The following YTHDF3 variants were observed in gnomAD, a reference collection of about 807,000 sequenced individuals.
YTHDF3 encodes YTH N6-methyladenosine RNA binding protein F3, also known as YTH domain-containing family protein 3.
In YTHDF3, 9 loss-of-function variants were observed where a neutral mutation model predicts 52.5. The observed-to-expected ratio is 0.17, with a 90% CI of 0.10 to 0.30. The LOEUF is 0.30. Ranked by LOEUF, YTHDF3 falls within the 10% of genes least tolerant of loss-of-function variation. The pLI is 1.00. For synonymous variants in YTHDF3, 274 were observed against 243.3 expected (o/e 1.13, Z -1.18); for missense variants, 534 against 715.0 (o/e 0.75, Z 2.89).
intron 2 of YTHDF3, among the ~76,000 whole-genome samples, chr8:63,171,942 A>G (rs1807355661): frequency 6.6e-6 from 1 of 152,204 alleles, no homozygotes; most frequent in African/African-American, 2.4e-5. Context: ...GATTTTCTAT[A>G]TATCCTTAAT....
At chr8:63,187,820 T>G in intron 4 of YTHDF3, 75 bp downstream of exon 4, 9 of 1,452,728 alleles carry the variant, frequency 6.2e-6, no homozygotes, top group Non-Finnish European at 8.2e-6. Context: ...ATTCTGAGTT[T>G]AAGAACTTTC....
intron 4 of YTHDF3, among the ~76,000 whole-genome samples, chr8:63,206,605 G>C (rs1219486121): frequency 6.6e-6 from 1 of 152,058 alleles, no homozygotes; most frequent in African/African-American, 2.4e-5. Context: ...CTTTAATTAT[G>C]ATTTAAATTT....
chr8:63,207,020 G>A (rs1810078573), intron 4 of YTHDF3, among the ~76,000 whole-genome samples: 1 of 152,072 alleles, frequency 6.6e-6, no homozygotes, highest in South Asian at 2.1e-4. Flanking sequence ...TCTGTATTCT[G>A]TATACTCAAT....
At chr8:63,177,242 C>T (rs1022060705) in intron 3 of YTHDF3, among the ~76,000 whole-genome samples, 1 of 152,092 alleles carries the variant, frequency 6.6e-6, no homozygotes, top group Non-Finnish European at 1.5e-5. Flanking sequence ...TTGTGGGATG[C>T]AGGATTATTT....
At chr8:63,170,803 G>A (rs187170244) in intron 2 of YTHDF3, among the ~76,000 whole-genome samples, 9 of 152,182 alleles carry the variant, frequency 5.9e-5, no homozygotes, top group African/African-American at 2.2e-4. Context: ...TATGTTACCC[G>A]CTTTAAGGTA....
chr8:63,189,074 G>A (rs1289036110), intron 4 of YTHDF3: 1 of 152,138 alleles, frequency 6.6e-6, no homozygotes, highest in Non-Finnish European at 1.5e-5. Context: ...TAAAGCACTT[G>A]TACAAAATAG....
intron 4 of YTHDF3, among the ~76,000 whole-genome samples, chr8:63,205,634 A>G (rs952060369): frequency 6.6e-6 from 1 of 151,942 alleles, no homozygotes; most frequent in African/African-American, 2.4e-5. Context: ...GGGTTTCCCC[A>G]TGTTGGCCAG....
intron 4 of YTHDF3, among the ~76,000 whole-genome samples, chr8:63,200,916 T>C (rs1437046588): frequency 1.3e-5 from 2 of 151,914 alleles, no homozygotes; most frequent in Admixed American, 1.3e-4. Flanking sequence ...TAATCGAAAA[T>C]AGCCAAAACT....
intron 3 of YTHDF3, among the ~76,000 whole-genome samples, chr8:63,178,253 C>T (rs1807834752): frequency 6.6e-6 from 1 of 152,144 alleles, no homozygotes; most frequent in Non-Finnish European, 1.5e-5. Context: ...CATAGAGGCA[C>T]CTTAGTGTCT....
At chr8:63,200,251 C>T (rs752811637) in intron 4 of YTHDF3, among the ~76,000 whole-genome samples, 3 of 152,100 alleles carry the variant, frequency 2.0e-5, no homozygotes, top group Non-Finnish European at 4.4e-5. Context: ...GACTTTCCCA[C>T]AGGAGGCTTG....
Position 63,168,763 on chromosome 8 carries a change from G to T in YTHDF3, c.-115G>T. 6.5e-7 allele frequency: 1 copy of T among 1,545,218 alleles called. No homozygotes were observed. Among genetic ancestry groups the T allele is most frequent in the Non-Finnish European group, 8.7e-7 (1 of 1,143,860 alleles). On this transcript the variant is annotated 5_prime_UTR_variant, in exon 1 of 5. Coordinates refer to ENST00000539294, the MANE Select transcript of YTHDF3 (RefSeq NM_152758.6). ...CATTTTGGGTTCTCAGCGAACGGCG[G>T]CAGCGGCGGCGGCTGGAACAATCAC...
At chr8:63,200,725 T>TA (rs1398768692) in intron 4 of YTHDF3, among the ~76,000 whole-genome samples, 1 of 152,182 alleles carries the variant, frequency 6.6e-6, no homozygotes, top group Non-Finnish European at 1.5e-5. Context: ...ACTGAAAAAT[T>TA]AGATTAAAGC....
At chr8:63,175,539 A>G (rs1807628900) in intron 3 of YTHDF3, 123 bp downstream of exon 3, 1 of 771,630 alleles carries the variant, frequency 1.3e-6, no homozygotes, top group African/African-American at 1.7e-5. Context: ...GTGTACCTAT[A>G]TAGTAAGTGA....
At chr8:63,201,410 A>G (rs1036780335) in intron 4 of YTHDF3, among the ~76,000 whole-genome samples, 68 of 152,258 alleles carry the variant, frequency 4.5e-4, no homozygotes, top group Non-Finnish European at 7.3e-5. Flanking sequence ...TCAATTACAT[A>G]GGAAATTATG....
intron 4 of YTHDF3, among the ~76,000 whole-genome samples, chr8:63,190,608 C>G (rs1052229382): frequency 3.3e-5 from 5 of 152,172 alleles, no homozygotes; most frequent in African/African-American, 9.7e-5. Flanking sequence ...CAGACCGCAG[C>G]CTACTCTTGT....
chr8:63,204,361 G>GTTGTT (rs1383755512), intron 4 of YTHDF3, among the ~76,000 whole-genome samples: 1 of 124,852 alleles, frequency 8.0e-6, no homozygotes, highest in African/African-American at 2.9e-5. Flanking sequence ...TGTGTTTGTT[G>GTTGTT]TTTTTTTTTT....
chr8:63,209,403 A>G (rs763391756), intron 4 of YTHDF3, among the ~76,000 whole-genome samples: 15 of 152,188 alleles, frequency 9.9e-5, no homozygotes, highest in Admixed American at 3.3e-4. Context: ...AAAAGATGTT[A>G]TTATATTCTC....
intron 4 of YTHDF3, among the ~76,000 whole-genome samples, chr8:63,188,486 C>G (rs1808676199): frequency 1.3e-5 from 2 of 150,090 alleles, no homozygotes; most frequent in South Asian, 4.2e-4. Flanking sequence ...ACCACCACGC[C>G]TGGCTAATTT....
Position 63,186,261 on chromosome 8 carries a change from A to T in YTHDF3, c.250A>T (p.Met84Leu). 1 of 1,614,034 alleles carries T rather than the reference A, an allele frequency of 6.2e-7. No individual in the cohort carries two copies. The highest frequency in any genetic ancestry group is 8.5e-7 in the Non-Finnish European group (1 of 1,179,898). The change falls in exon 4 of 5, where the codon ATG (methionine) becomes TTG (leucine). Residue 84 changes from methionine (M) to leucine (L), a missense_variant. Met to Leu is a conservative substitution (Grantham distance 15, BLOSUM62 2). This residue lies in a region of YTHDF3 where 196 missense variants were observed against 299.5 expected (regional missense o/e 0.65). Transcript: ENST00000539294. ...AAWSTAGDQP[M>L]PYLTTYGQMS... ...GTGGTCCACAGCTGGAGACCAGCCT[A>T]TGCCATATCTGACAACCTATGGACA... is the stretch of plus-strand genomic sequence containing the variant.
Sources: allele counts gnomAD v4.1 joint callset (sites outside exome capture counted in the v4.1 genomes callset), GRCh38; gene constraint gnomAD v4.1.1; regional missense constraint gnomAD v4.1.1; transcripts MANE v1.5; gene names NCBI Gene and HGNC (gene_info 2026-07-23, HGNC 2026-07-21).